Variants in PTPRC observed in about 807,000 individuals in gnomAD.
PTPRC encodes protein tyrosine phosphatase receptor type C, also known as receptor-type tyrosine-protein phosphatase C.
Under a neutral mutation model 155.9 loss-of-function variants are expected in PTPRC, and 44 were observed. The ratio of observed to expected loss-of-function variants is 0.28; its 90% confidence interval spans 0.22 to 0.36. The LOEUF (loss-of-function observed/expected upper bound fraction) is 0.36, where lower values mean the gene tolerates loss of function less well. PTPRC is among the 10% of genes least tolerant of loss of function. The pLI is 1.00. For missense variants in PTPRC, 1,401 were observed against 1,564.6 expected, an observed-to-expected ratio of 0.90 and a Z score of 1.76; for synonymous variants, 525 against 533.1, an observed-to-expected ratio of 0.98 and a Z score of 0.21.
chr1:198,655,755 G>A (rs1663529676), intron 2 of PTPRC, among the ~76,000 whole-genome samples: 1 of 152,052 alleles, frequency 6.6e-6, no homozygotes, highest in African/African-American at 2.4e-5. Context: ...CTGTAAACTA[G>A]ACACAGCAGC....
chr1:198,750,727 A>G, intron 29 of PTPRC, 101 bp downstream of exon 29: 1 of 1,414,464 alleles, frequency 7.1e-7, no homozygotes, highest in Non-Finnish European at 9.9e-7. Flanking sequence ...GTCTTTTTTT[A>G]TCCCTCCATC....
At chr1:198,725,174 T>G (rs1438337621) in intron 15 of PTPRC, among the ~76,000 whole-genome samples, 1 of 152,170 alleles carries the variant, frequency 6.6e-6, no homozygotes, top group Non-Finnish European at 1.5e-5. Flanking sequence ...ATCTGAGAAT[T>G]CTTTGCTCCA....
chr1:198,735,964 T>C (rs1654617577), intron 23 of PTPRC, among the ~76,000 whole-genome samples: 1 of 151,580 alleles, frequency 6.6e-6, no homozygotes, highest in South Asian at 2.1e-4. Flanking sequence ...GTAATATGAA[T>C]ACCAAATTGT....
At chr1:198,653,157 T>A (rs1354288118) in intron 2 of PTPRC, among the ~76,000 whole-genome samples, 1 of 151,790 alleles carries the variant, frequency 6.6e-6, no homozygotes, top group African/African-American at 2.4e-5. Flanking sequence ...CAAGAACAAA[T>A]GTGTTATGCT....
chr1:198,693,719 A>G lies in PTPRC; in HGVS notation c.100+1346A>G, dbSNP rs190357068. Among the ~76,000 whole-genome samples, 902 of 152,326 alleles carry G rather than the reference A, an allele frequency of 5.9e-3. 8 individuals are homozygous for G. The highest frequency in any genetic ancestry group is 9.6e-3 in the Non-Finnish European group (655 of 68,012). On this transcript the variant is annotated intron_variant, in intron 3 of 32. Transcript: ENST00000442510. ...AGTGGAGGTTCAAGAACAATGTGGA[A>G]TTGGCAATTGAGTCAGGTTTTCTAA...
chr1:198,709,930 C>G, intron 11 of PTPRC, 106 bp downstream of exon 11: 1 of 1,438,328 alleles, frequency 7.0e-7, no homozygotes, highest in East Asian at 2.4e-5. Flanking sequence ...GTTTTTGATA[C>G]TTTTTAAGCA....
At chr1:198,716,960 C>A in intron 13 of PTPRC, 120 bp downstream of exon 13, 1 of 886,534 alleles carries the variant, frequency 1.1e-6, no homozygotes, top group Non-Finnish European at 1.8e-6. Flanking sequence ...CATTTGTTAA[C>A]ATCTAGGGCT....
intron 2 of PTPRC, chr1:198,660,809 A>C (rs1173178678): frequency 6.6e-6 from 1 of 152,126 alleles, no homozygotes; most frequent in Non-Finnish European, 1.5e-5. Context: ...TGATCCAAAA[A>C]TGCATTATAT....
intron 24 of PTPRC, 25 bp from the exon 25 acceptor site, chr1:198,742,207 T>C: frequency 6.2e-7 from 1 of 1,612,134 alleles, no homozygotes; most frequent in Non-Finnish European, 8.5e-7. Context: ...ATCATGCCTC[T>C]GCTTTTTTTT....
At chr1:198,694,705 C>G (rs1261660111) in intron 3 of PTPRC, 1 of 965,862 alleles carries the variant, frequency 1.0e-6, no homozygotes, top group East Asian at 1.1e-4. Context: ...GAATTCTAAA[C>G]TCTCTCCTTC....
intron 14 of PTPRC, among the ~76,000 whole-genome samples, chr1:198,719,048 A>G (rs1330612354): frequency 6.6e-6 from 1 of 152,170 alleles, no homozygotes; most frequent in Non-Finnish European, 1.5e-5. Context: ...TTATTGGTAA[A>G]GCAAAATTTT....
rs1454090277 is a variant in PTPRC at position 198,699,433 on chromosome 1, A to G, written c.299-131A>G. The G allele has an allele frequency of 2.7e-6, 3 of 1,105,932 alleles. No individual in the cohort carries two copies. In the African/African-American group the frequency reaches 4.7e-5, roughly 17 times the overall value. 68.5% of individuals were successfully genotyped at this position (1,105,932 alleles called of 1,614,324 possible). A position where few individuals can be genotyped will look rare whatever the true frequency, so the allele number is the denominator to read the frequency against. On this transcript the variant is annotated intron_variant, in intron 4 of 32. Coordinates refer to ENST00000442510, the MANE Select transcript of PTPRC (RefSeq NM_002838.5). ...CAAGCAAATTTAAATACTGACAGACACATTTTAACAGATTCAGTTACTTCA... is the reference window on the plus strand; with the variant it reads ...CAAGCAAATTTAAATACTGACAGACGCATTTTAACAGATTCAGTTACTTCA...
intron 3 of PTPRC, chr1:198,695,307 C>T: frequency 1.7e-6 from 1 of 598,194 alleles, no homozygotes; most frequent in African/African-American, 2.0e-5. Flanking sequence ...TGTCTTTTGC[C>T]CAATCTTGTT....
At chr1:198,665,604 A>G (rs558408794) in intron 2 of PTPRC, among the ~76,000 whole-genome samples, 11 of 152,140 alleles carry the variant, frequency 7.2e-5, no homozygotes, top group Admixed American at 5.9e-4. Context: ...AACTATAACG[A>G]TATTTTCATC....
chr1:198,740,865 C>G (rs1654868995), intron 23 of PTPRC, among the ~76,000 whole-genome samples: 1 of 151,796 alleles, frequency 6.6e-6, no homozygotes, highest in African/African-American at 2.4e-5. Flanking sequence ...AAGATTTTCT[C>G]TTAATTTCAT....
chr1:198,739,900 T>A (rs965602973), intron 23 of PTPRC, among the ~76,000 whole-genome samples: 9 of 151,590 alleles, frequency 5.9e-5, no homozygotes, highest in African/African-American at 2.2e-4. Context: ...GAACTAGAAA[T>A]CAATAACAAG....
chr1:198,642,644 C>T (rs1011422544), intron 2 of PTPRC, among the ~76,000 whole-genome samples: 1 of 151,938 alleles, frequency 6.6e-6, no homozygotes, highest in Non-Finnish European at 1.5e-5. Context: ...TTTGACACCT[C>T]CATTGCCATC....
At chr1:198,662,983 C>T (rs751815754) in intron 2 of PTPRC, among the ~76,000 whole-genome samples, 6 of 152,172 alleles carry the variant, frequency 3.9e-5, no homozygotes, top group Non-Finnish European at 8.8e-5. Flanking sequence ...AGCTGAATTA[C>T]GCCTGACCCC....
chr1:198,663,213 G>A (rs569460560), intron 2 of PTPRC, among the ~76,000 whole-genome samples: 41 of 152,326 alleles, frequency 2.7e-4, no homozygotes, highest in African/African-American at 9.9e-4. Context: ...ACCCTGCTGA[G>A]TACACCTGCT....
Sources: gnomAD v4.1 joint callset for allele counts (sites outside exome capture counted in the v4.1 genomes callset) on GRCh38, gnomAD v4.1.1 for gene constraint, MANE v1.5 for transcripts, NCBI Gene and HGNC (gene_info 2026-07-23, HGNC 2026-07-21) for gene names.